Variants in MAN2A1 observed in about 807,000 individuals in gnomAD.
MAN2A1 encodes the protein mannosidase alpha class 2A member 1.
A neutral mutation model predicts 142.6 loss-of-function variants in MAN2A1; 76 were observed. That is an observed-to-expected ratio of 0.53 (90% CI 0.44 to 0.65). The LOEUF (loss-of-function observed/expected upper bound fraction) is 0.65, where lower values mean the gene tolerates loss of function less well. Among genes scored for constraint, MAN2A1 ranks in the 30% least tolerant of loss-of-function variants. The pLI is 0.00. For missense variants in MAN2A1, 1,311 were observed against 1,365.1 expected, an observed-to-expected ratio of 0.96 and a Z score of 0.62; for synonymous variants, 559 against 473.2, an observed-to-expected ratio of 1.18 and a Z score of -2.35.
At chr5:109,726,759 A>G (rs1751756289) in intron 3 of MAN2A1, among the ~76,000 whole-genome samples, 1 of 152,220 alleles carries the variant, frequency 6.6e-6, no homozygotes, top group African/African-American at 2.4e-5. Context: ...CTTCATAAAG[A>G]CTAACCCTTA....
At chr5:109,768,284 A>C (rs774631736) in intron 6 of MAN2A1, among the ~76,000 whole-genome samples, 1 of 152,196 alleles carries the variant, frequency 6.6e-6, no homozygotes, top group Non-Finnish European at 1.5e-5. Flanking sequence ...TGCCTTTCTC[A>C]ACCCCTATTT....
At chr5:109,840,372 G>T in intron 16 of MAN2A1, 1 of 378,670 alleles carries the variant, frequency 2.6e-6, no homozygotes, top group South Asian at 2.3e-5. Context: ...GTGACTTTTA[G>T]GTCATCTCCA....
At chr5:109,844,137 A>T (rs1217257588) in intron 17 of MAN2A1, among the ~76,000 whole-genome samples, 1 of 152,226 alleles carries the variant, frequency 6.6e-6, no homozygotes, top group Non-Finnish European at 1.5e-5. Flanking sequence ...TTAAAATTAT[A>T]CAAAACCAGT....
chr5:109,803,599 A>G (rs1018868509), intron 12 of MAN2A1, among the ~76,000 whole-genome samples: 3 of 152,070 alleles, frequency 2.0e-5, no homozygotes, highest in African/African-American at 7.2e-5. Flanking sequence ...TTGATATATT[A>G]AAATATGAAG....
chr5:109,825,900 CTTTTTTTTTT>C (rs869069525), intron 16 of MAN2A1, among the ~76,000 whole-genome samples: 1 of 92,184 alleles, frequency 1.1e-5, no homozygotes, highest in Non-Finnish European at 2.1e-5. Context: ...TCTTTCCTTC[CTTTTTTTTTT>C]TTTTTTTTTT....
At chr5:109,822,368 A>G (rs1295439720) in intron 15 of MAN2A1, among the ~76,000 whole-genome samples, 1 of 152,080 alleles carries the variant, frequency 6.6e-6, no homozygotes, top group Non-Finnish European at 1.5e-5. Flanking sequence ...TTTCATGCGT[A>G]GATACCAATA....
intron 5 of MAN2A1, among the ~76,000 whole-genome samples, chr5:109,763,306 C>T (rs192521058): frequency 1.7e-4 from 26 of 152,138 alleles, no homozygotes; most frequent in Admixed American, 9.8e-4. Flanking sequence ...GGCTTTTGAG[C>T]ATCAGAGTGA....
chr5:109,759,706 A>G (rs1752786173), intron 5 of MAN2A1, among the ~76,000 whole-genome samples: 1 of 152,148 alleles, frequency 6.6e-6, no homozygotes, highest in African/African-American at 2.4e-5. Flanking sequence ...GTGCTATTTT[A>G]TATTCCACCA....
intron 3 of MAN2A1, among the ~76,000 whole-genome samples, chr5:109,726,346 AT>A (rs1266719234): frequency 3.3e-5 from 5 of 152,342 alleles, no homozygotes; most frequent in Admixed American, 6.5e-5. Context: ...GTAAAAGGAA[AT>A]ACTTGATTAC....
intron 20 of MAN2A1, among the ~76,000 whole-genome samples, chr5:109,860,406 C>A (rs769371539): frequency 2.6e-5 from 4 of 152,134 alleles, no homozygotes; most frequent in African/African-American, 4.8e-5. Flanking sequence ...TGCCAGAATG[C>A]ACTAGGGATG....
intron 4 of MAN2A1, among the ~76,000 whole-genome samples, chr5:109,748,966 A>G (rs1224970400): frequency 2.0e-5 from 3 of 151,534 alleles, no homozygotes; most frequent in African/African-American, 7.3e-5. Flanking sequence ...GATTAGCAGA[A>G]TGTCTTTAGG....
chr5:109,716,904 A>G (rs1008778240), intron 3 of MAN2A1, among the ~76,000 whole-genome samples: 4 of 152,256 alleles, frequency 2.6e-5, no homozygotes, highest in African/African-American at 4.8e-5. Context: ...ACTGCATATG[A>G]TGGCGTTTAT....
chr5:109,777,532 A>G (rs1472337525), intron 8 of MAN2A1, among the ~76,000 whole-genome samples: 1 of 151,966 alleles, frequency 6.6e-6, no homozygotes, highest in Non-Finnish European at 1.5e-5. Context: ...TCACTTTCTC[A>G]TGCTGTCTTT....
chr5:109,780,760 G>A (rs749520067), intron 8 of MAN2A1, among the ~76,000 whole-genome samples: 3 of 152,032 alleles, frequency 2.0e-5, no homozygotes, highest in Non-Finnish European at 2.9e-5. Flanking sequence ...CAGAAAGACC[G>A]GTGTGTTTAA....
At chr5:109,757,050 A>G (rs555420972) in intron 5 of MAN2A1, among the ~76,000 whole-genome samples, 14 of 152,282 alleles carry the variant, frequency 9.2e-5, no homozygotes, top group African/African-American at 3.4e-4. Context: ...GAGGACGCTT[A>G]GAAGCTTGCA....
intron 8 of MAN2A1, among the ~76,000 whole-genome samples, chr5:109,777,662 A>C (rs1753332259): frequency 6.6e-6 from 1 of 152,198 alleles, no homozygotes; most frequent in African/African-American, 2.4e-5. Context: ...CATTCTTATG[A>C]AGCTATCCTC....
intron 8 of MAN2A1, among the ~76,000 whole-genome samples, chr5:109,778,431 T>G (rs112035000): frequency 6.6e-6 from 1 of 152,088 alleles, no homozygotes; most frequent in Non-Finnish European, 1.5e-5. Flanking sequence ...GCAGACATAA[T>G]TTTCTAAGAG....
chr5:109,690,373 C>G lies in MAN2A1; in HGVS notation c.-45C>G, dbSNP rs202022588. 11 of 1,612,176 alleles carry G rather than the reference C, an allele frequency of 6.8e-6. No homozygotes were observed. The highest frequency in any genetic ancestry group is 5.0e-5 in the Admixed American group (3 of 59,994). ...TCCTAGAGTCCACAGTGCGCTGTCT[C>G]CTTTGGCTGAGGAGAGTGTCCTGGC... On this transcript the variant is annotated 5_prime_UTR_variant, in exon 1 of 22. Transcript: ENST00000261483.
At chr5:109,728,267 A>AT (rs1450992672) in intron 3 of MAN2A1, among the ~76,000 whole-genome samples, 2 of 151,946 alleles carry the variant, frequency 1.3e-5, no homozygotes, top group East Asian at 3.9e-4. Flanking sequence ...TTATTTATTT[A>AT]TTTTTTGCCA....
Sources: gnomAD v4.1 joint callset for allele counts (sites outside exome capture counted in the v4.1 genomes callset) on GRCh38, gnomAD v4.1.1 for gene constraint, MANE v1.5 for transcripts, NCBI Gene and HGNC (gene_info 2026-07-23, HGNC 2026-07-21) for gene names.